Variants in MALRD1 observed in about 807,000 individuals in gnomAD.
MALRD1 encodes the protein MAM and LDL-receptor class A domain-containing protein 1.
In MALRD1, 247 loss-of-function variants were observed where a neutral mutation model predicts 242.1. The observed-to-expected ratio is 1.02, with a 90% confidence interval of 0.92 to 1.13. MALRD1 has a LOEUF of 1.13. Among genes scored for constraint, MALRD1 ranks in the 50% most tolerant of loss-of-function variants. The probability of loss-of-function intolerance (pLI) is 0.00; values close to 1 mark genes in which losing one functional copy is unlikely to be tolerated. For synonymous variants in MALRD1, 995 were observed against 866.6 expected (o/e 1.15, Z -2.60); for missense variants, 2,989 against 2,533.1 (o/e 1.18, Z -3.86).
intron 13 of MALRD1, among the ~76,000 whole-genome samples, chr10:19,168,830 G>A (rs1834804505): frequency 6.6e-6 from 1 of 152,100 alleles, no homozygotes; most frequent in African/African-American, 2.4e-5. Flanking sequence ...TCAATGCTGA[G>A]TTCTTTCGAG....
At chr10:19,625,307 A>G (rs561507091) in intron 36 of MALRD1, among the ~76,000 whole-genome samples, 9 of 139,452 alleles carry the variant, frequency 6.5e-5, no homozygotes, top group African/African-American at 1.9e-4. Context: ...CTTTATTTGC[A>G]TTTGGCTGTT....
intron 5 of MALRD1, among the ~76,000 whole-genome samples, chr10:19,111,060 C>G (rs1440514761): frequency 6.6e-6 from 1 of 152,136 alleles, no homozygotes; most frequent in African/African-American, 2.4e-5. Context: ...ATATAAATTT[C>G]TCTCTATCTT....
At chr10:19,581,466 G>A (rs1001207466) in intron 33 of MALRD1, among the ~76,000 whole-genome samples, 3 of 150,598 alleles carry the variant, frequency 2.0e-5, no homozygotes, top group Admixed American at 2.0e-4. Flanking sequence ...GAGAATATGT[G>A]GTGTTTGGTA....
chr10:19,528,856 C>T (rs1834212017), intron 31 of MALRD1, among the ~76,000 whole-genome samples: 1 of 152,160 alleles, frequency 6.6e-6, no homozygotes, highest in Non-Finnish European at 1.5e-5. Context: ...CAAACCACTA[C>T]CCCCAACATT....
At chr10:19,439,045 G>T (rs753979312) in intron 28 of MALRD1, among the ~76,000 whole-genome samples, 1 of 151,650 alleles carries the variant, frequency 6.6e-6, no homozygotes, top group Non-Finnish European at 1.5e-5. Flanking sequence ...ATGTTTACAA[G>T]ATGCTAATTT....
chr10:19,073,686 A>G (rs958752631), intron 2 of MALRD1, among the ~76,000 whole-genome samples: 1 of 152,138 alleles, frequency 6.6e-6, no homozygotes, highest in African/African-American at 2.4e-5. Flanking sequence ...AATATTTCAA[A>G]ATGTGAAAAA....
intron 1 of MALRD1, among the ~76,000 whole-genome samples, chr10:19,055,561 C>G (rs1440570821): frequency 6.6e-6 from 1 of 152,116 alleles, no homozygotes. Context: ...GTCTTTAATC[C>G]ATTTCAAGTT....
intron 14 of MALRD1, among the ~76,000 whole-genome samples, chr10:19,188,684 C>T (rs1323751908): frequency 2.0e-5 from 3 of 152,162 alleles, no homozygotes; most frequent in African/African-American, 7.2e-5. Flanking sequence ...ATCACTACAG[C>T]TCAGCTGTTA....
chr10:19,128,855 ATTC>A (rs1044028916), intron 8 of MALRD1, among the ~76,000 whole-genome samples: 32 of 152,130 alleles, frequency 2.1e-4, no homozygotes, highest in African/African-American at 7.0e-4. Flanking sequence ...GAGTGAGTCC[ATTC>A]TTCTTCTCTC....
chr10:19,508,705 T>C (rs1237261092), intron 31 of MALRD1, among the ~76,000 whole-genome samples: 1 of 152,222 alleles, frequency 6.6e-6, no homozygotes, highest in Non-Finnish European at 1.5e-5. Flanking sequence ...TTTGGATATA[T>C]TAGATTAAAT....
intron 28 of MALRD1, among the ~76,000 whole-genome samples, chr10:19,391,946 T>G (rs1392791721): frequency 1.3e-5 from 2 of 152,166 alleles, no homozygotes; most frequent in African/African-American, 4.8e-5. Context: ...GGACAACCCT[T>G]GCGAAGGGAT....
rs572925143 is a variant in MALRD1, at chr10:19,517,061, C to A, written c.5321-14133C>A. ...AGGGGTTTTAGTTGACCGAGTAATTCCTCTGGTTGAAGCAGGATTGAATAG... is the reference window on the plus strand; with the variant it reads ...AGGGGTTTTAGTTGACCGAGTAATTACTCTGGTTGAAGCAGGATTGAATAG... On this transcript the variant is annotated intron_variant, in intron 31 of 39. Coordinates refer to ENST00000454679, the MANE Select transcript of MALRD1 (RefSeq NM_001142308.3). 9.2e-5 allele frequency among the ~76,000 whole-genome samples: 14 copies of A among 152,252 alleles called. No homozygotes were observed. The South Asian group carries it at 2.5e-3, about 27-fold the overall frequency.
chr10:19,645,048 C>T (rs10827733), intron 36 of MALRD1, among the ~76,000 whole-genome samples: 7,042 of 152,180 alleles, frequency 0.046, 217 homozygotes, highest in Middle Eastern at 0.096. Flanking sequence ...AAGACATTAT[C>T]AGATCATTTT....
chr10:19,405,231 G>C (rs1847040247), intron 28 of MALRD1, among the ~76,000 whole-genome samples: 2 of 152,134 alleles, frequency 1.3e-5, no homozygotes, highest in South Asian at 4.1e-4. Flanking sequence ...GAATGTAGAA[G>C]GAGAAATATG....
At chr10:19,484,861 G>A (rs931488047) in intron 29 of MALRD1, among the ~76,000 whole-genome samples, 4 of 152,106 alleles carry the variant, frequency 2.6e-5, no homozygotes, top group African/African-American at 9.7e-5. Flanking sequence ...TTTACAAAAG[G>A]TACCTCCATG....
At chr10:19,674,727 G>A (rs143568206) in intron 36 of MALRD1, among the ~76,000 whole-genome samples, 1 of 151,832 alleles carries the variant, frequency 6.6e-6, no homozygotes, top group Non-Finnish European at 1.5e-5. Flanking sequence ...TTCTTGGAAG[G>A]ACTACACTCC....
At chr10:19,306,880 A>G (rs1842235213) in intron 21 of MALRD1, among the ~76,000 whole-genome samples, 1 of 151,414 alleles carries the variant, frequency 6.6e-6, no homozygotes, top group African/African-American at 2.4e-5. Context: ...TCAAGAGAAC[A>G]GTAGCATGGG....
intron 14 of MALRD1, among the ~76,000 whole-genome samples, chr10:19,178,753 G>A (rs142014449): frequency 6.6e-6 from 1 of 152,304 alleles, no homozygotes; most frequent in East Asian, 1.9e-4. Flanking sequence ...TGCCTGGTGA[G>A]GATGCAGGTT....
At chr10:19,604,691 A>G (rs1452070320) in intron 34 of MALRD1, among the ~76,000 whole-genome samples, 2 of 152,174 alleles carry the variant, frequency 1.3e-5, no homozygotes, top group Admixed American at 1.3e-4. Context: ...GCCACATAGG[A>G]CTTCCACAGC....
Sources: allele counts gnomAD v4.1 joint callset (sites outside exome capture counted in the v4.1 genomes callset), GRCh38; gene constraint gnomAD v4.1.1; transcripts MANE v1.5; gene names NCBI Gene and HGNC (gene_info 2026-07-23, HGNC 2026-07-21).